The following FAM171A1 variants were observed in gnomAD, a reference collection of about 807,000 sequenced individuals.
The protein encoded by FAM171A1 is protein FAM171A1.
In FAM171A1, 23 loss-of-function variants were observed where a neutral mutation model predicts 74.9. The observed-to-expected ratio is 0.31, with a 90% CI of 0.22 to 0.44. The LOEUF (loss-of-function observed/expected upper bound fraction) is 0.44, where lower values mean the gene tolerates loss of function less well. Among genes scored for constraint, FAM171A1 ranks in the 20% least tolerant of loss-of-function variants. FAM171A1 has a pLI of 1.00. For synonymous variants in FAM171A1, 527 were observed against 505.7 expected, an observed-to-expected ratio of 1.04 and a Z score of -0.57; for missense variants, 1,162 against 1,159.2, an observed-to-expected ratio of 1.00 and a Z score of -0.03.
intron 1 of FAM171A1, among the ~76,000 whole-genome samples, chr10:15,291,749 C>G (rs1450799627): frequency 6.6e-6 from 1 of 152,120 alleles, no homozygotes; most frequent in Non-Finnish European, 1.5e-5. Context: ...TAAACTTTCC[C>G]CATTCAGGGA....
chr10:15,352,077 A>AT (rs1835886817), intron 1 of FAM171A1, among the ~76,000 whole-genome samples: 1 of 8,412 alleles, frequency 1.2e-4, no homozygotes, highest in African/African-American at 1.5e-4. Context: ...TTGTAAAAAT[A>AT]CAAAAAAAAA....
intron 3 of FAM171A1, among the ~76,000 whole-genome samples, chr10:15,271,038 T>C (rs1057104147): frequency 2.6e-5 from 4 of 152,174 alleles, no homozygotes; most frequent in South Asian, 4.1e-4. Context: ...ATGACTTTGA[T>C]GAGCTGACAG....
Position 15,213,129 on chromosome 10 carries a change from G to A in FAM171A1, c.2459C>T (p.Ser820Leu), listed in dbSNP as rs1369563832. The A allele has an allele frequency of 1.9e-6, 3 of 1,613,832 alleles. No homozygotes were observed. The highest frequency in any genetic ancestry group is 1.7e-5 in the Admixed American group (1 of 59,998). ...CAGCTGGCCACCACTTCTCCGACTC[G>A]ACCCCTCCAACAAGCATCGCAGGGC... ...DSALRCLLEG[S>L]SRRSGGQLPS... is the part of the protein sequence containing the mutation. Residue 820 changes from serine (S) to leucine (L), a missense_variant, in exon 8 of 8, where the codon TCG (serine) becomes TTG (leucine). By Grantham distance (145) the Ser-to-Leu change is moderately radical. Transcript: ENST00000378116. The surrounding 1 kb of genome is among the most constrained non-coding windows in gnomAD (Gnocchi z 6.8).
At chr10:15,286,124 T>C (rs766975701) in intron 1 of FAM171A1, among the ~76,000 whole-genome samples, 5 of 152,326 alleles carry the variant, frequency 3.3e-5, no homozygotes, top group Non-Finnish European at 5.9e-5. Flanking sequence ...CGACACAAGC[T>C]ACTGCAATTG....
In FAM171A1 at chr10:15,253,869, G is replaced by C. The variant is rs1042633855; in HGVS notation, c.577+852C>G. ...GGAGTGGGGACCATTCCAGTGCAAA[G>C]GGGTCCAGAGAATGGTGCAGTTGGA... On this transcript the variant is annotated intron_variant, in intron 4 of 7. Transcript: ENST00000378116. 1.1e-4 allele frequency among the ~76,000 whole-genome samples: 17 copies of C among 152,314 alleles called. No individual in the cohort carries two copies. In the East Asian group the frequency reaches 3.1e-3, roughly 28 times the overall value.
At chr10:15,252,966 C>T (rs112235190) in intron 4 of FAM171A1, among the ~76,000 whole-genome samples, 5 of 151,972 alleles carry the variant, frequency 3.3e-5, no homozygotes, top group East Asian at 1.9e-4. Context: ...CCATTTTGTC[C>T]GGGAGGCTGG....
At chr10:15,367,632 TA>T (rs1431491508) in intron 1 of FAM171A1, among the ~76,000 whole-genome samples, 1 of 152,252 alleles carries the variant, frequency 6.6e-6, no homozygotes, top group Non-Finnish European at 1.5e-5. Context: ...CCCAGTGTTC[TA>T]ATAACTGAAG....
intron 1 of FAM171A1, among the ~76,000 whole-genome samples, chr10:15,299,712 G>C (rs562380737): frequency 1.3e-5 from 2 of 152,166 alleles, no homozygotes; most frequent in Non-Finnish European, 2.9e-5. Flanking sequence ...GGGTGCGGTG[G>C]CTCATGCCTC....
chr10:15,359,492 C>T (rs955418800), intron 1 of FAM171A1, among the ~76,000 whole-genome samples: 19 of 152,108 alleles, frequency 1.2e-4, no homozygotes, highest in East Asian at 3.9e-4. Flanking sequence ...ATGGGCCTCC[C>T]GGTACCCTCT....
intron 1 of FAM171A1, among the ~76,000 whole-genome samples, chr10:15,298,697 A>C (rs1258986703): frequency 6.6e-6 from 1 of 152,230 alleles, no homozygotes; most frequent in Non-Finnish European, 1.5e-5. Context: ...TATATCCATA[A>C]AGCTAATATC....
intron 1 of FAM171A1, among the ~76,000 whole-genome samples, chr10:15,335,339 C>G (rs1416330371): frequency 1.3e-5 from 2 of 152,180 alleles, no homozygotes; most frequent in Non-Finnish European, 2.9e-5. Flanking sequence ...CACACACACT[C>G]AAACAAGTTA....
At chr10:15,234,829 A>T (rs11259564) in intron 5 of FAM171A1, among the ~76,000 whole-genome samples, 19,075 of 122,408 alleles carry the variant, frequency 0.16, 1,267 homozygotes, top group Middle Eastern at 0.25. Flanking sequence ...ATTTTTATTT[A>T]TTTTTTGTAT....
chr10:15,314,865 G>C (rs533042643), intron 1 of FAM171A1, among the ~76,000 whole-genome samples: 1 of 152,152 alleles, frequency 6.6e-6, no homozygotes, highest in Non-Finnish European at 1.5e-5. Flanking sequence ...CTGCCACCTC[G>C]GCCTGGCCTG....
intron 1 of FAM171A1, among the ~76,000 whole-genome samples, chr10:15,343,394 C>A (rs1198846087): frequency 6.6e-6 from 1 of 152,050 alleles, no homozygotes; most frequent in Admixed American, 6.6e-5. Context: ...AAGACGTGCA[C>A]CAGCTATTGC....
intron 1 of FAM171A1, among the ~76,000 whole-genome samples, chr10:15,318,191 G>A (rs1835444909): frequency 6.6e-6 from 1 of 152,216 alleles, no homozygotes; most frequent in Non-Finnish European, 1.5e-5. Flanking sequence ...AGCAGGAGAG[G>A]GGTGTGATGA....
At chr10:15,330,718 T>C (rs1159251384) in intron 1 of FAM171A1, among the ~76,000 whole-genome samples, 1 of 135,120 alleles carries the variant, frequency 7.4e-6, no homozygotes, top group Non-Finnish European at 1.6e-5. Flanking sequence ...TTCTTCTTTT[T>C]TTTTTTTTTT....
intron 1 of FAM171A1, among the ~76,000 whole-genome samples, chr10:15,346,345 G>A (rs1458147987): frequency 2.0e-5 from 3 of 152,040 alleles, no homozygotes; most frequent in South Asian, 2.1e-4. Flanking sequence ...CAATCCTCCC[G>A]CCTGGCCTCC....
intron 1 of FAM171A1, among the ~76,000 whole-genome samples, chr10:15,315,707 A>G (rs931939199): frequency 1.3e-5 from 2 of 152,030 alleles, no homozygotes; most frequent in Non-Finnish European, 2.9e-5. Flanking sequence ...CCATCGCCTT[A>G]CCTCCCTGGG....
intron 1 of FAM171A1, among the ~76,000 whole-genome samples, chr10:15,313,794 A>G (rs903477553): frequency 6.6e-6 from 1 of 152,228 alleles, no homozygotes; most frequent in African/African-American, 2.4e-5. Flanking sequence ...GAAATAAAAT[A>G]TGTTTAATGG....
Sources: allele counts gnomAD v4.1 joint callset (sites outside exome capture counted in the v4.1 genomes callset), GRCh38; gene constraint gnomAD v4.1.1; non-coding constraint Gnocchi (gnomAD v3.1); transcripts MANE v1.5; gene names NCBI Gene and HGNC (gene_info 2026-07-23, HGNC 2026-07-21).